The following MYRIP variants were observed in gnomAD, a reference collection of about 807,000 sequenced individuals.
MYRIP encodes the protein myosin VIIA and Rab interacting protein, also known as rab effector MyRIP.
MYRIP carries 49 observed loss-of-function variants against 98.0 expected under a neutral mutation model. The observed-to-expected ratio is 0.50, with a 90% CI of 0.40 to 0.63. The LOEUF (loss-of-function observed/expected upper bound fraction) is 0.63, where lower values mean the gene tolerates loss of function less well. Among genes scored for constraint, MYRIP ranks in the 30% least tolerant of loss-of-function variants. The pLI, the probability that MYRIP is intolerant of heterozygous loss-of-function variation, is 0.00. For missense variants in MYRIP, 1,004 were observed against 1,058.2 expected (o/e 0.95, Z 0.71); for synonymous variants, 404 against 409.5 (o/e 0.99, Z 0.16).
At chr3:40,206,313 A>T (rs572156969) in intron 10 of MYRIP, among the ~76,000 whole-genome samples, 1 of 152,278 alleles carries the variant, frequency 6.6e-6, no homozygotes, top group African/African-American at 2.4e-5. Flanking sequence ...GATGAATATT[A>T]TATGGCCAAA....
intron 2 of MYRIP, among the ~76,000 whole-genome samples, chr3:39,961,755 C>G (rs940511906): frequency 5.3e-5 from 8 of 152,062 alleles, no homozygotes; most frequent in African/African-American, 1.9e-4. Flanking sequence ...AAATTAGCTC[C>G]CTCAACAAGA....
At chr3:40,215,714 C>T (rs1165183723) in intron 11 of MYRIP, among the ~76,000 whole-genome samples, 1 of 152,144 alleles carries the variant, frequency 6.6e-6, no homozygotes, top group Admixed American at 6.6e-5. Context: ...ACCCTACAAC[C>T]CAGGGAGCAT....
rs1469493871 is a variant in MYRIP, at chr3:40,233,909, C to G, written c.1956C>G (p.Val652=). ...LCNISTEVLK[V]INATEELIAG... is the part of the protein sequence containing the mutation. ...ACATCTCCACAGAAGTCCTGAAAGT[C>G]ATCAATGCCACAGAGGAGTTGATAG... Residue 652 remains valine, a synonymous_variant, in exon 12 of 17, where the codon GTC becomes GTG. Coordinates refer to ENST00000302541, the MANE Select transcript of MYRIP (RefSeq NM_015460.4). 1 of 1,613,562 alleles carries G rather than the reference C, an allele frequency of 6.2e-7. No individual in the cohort carries two copies. Among genetic ancestry groups the G allele is most frequent in the East Asian group, 2.2e-5 (1 of 44,864 alleles).
At chr3:39,872,314 T>A (rs1031579824) in intron 1 of MYRIP, among the ~76,000 whole-genome samples, 4 of 151,708 alleles carry the variant, frequency 2.6e-5, no homozygotes, top group African/African-American at 9.7e-5. Flanking sequence ...TTATGTCAAA[T>A]GGAAAAAATG....
chr3:39,914,963 A>G (rs1445738663), intron 2 of MYRIP, among the ~76,000 whole-genome samples: 1 of 152,094 alleles, frequency 6.6e-6, no homozygotes, highest in Non-Finnish European at 1.5e-5. Flanking sequence ...GATTTTATTC[A>G]GCTACCACCA....
chr3:39,901,225 T>G (rs1429346658), intron 2 of MYRIP, among the ~76,000 whole-genome samples: 1 of 152,206 alleles, frequency 6.6e-6, no homozygotes, highest in Non-Finnish European at 1.5e-5. Context: ...TGGCCTTAGT[T>G]TTTTGTTGGC....
At chr3:40,165,714 C>T (rs569473593) in intron 5 of MYRIP, among the ~76,000 whole-genome samples, 118 of 150,262 alleles carry the variant, frequency 7.9e-4, no homozygotes, top group Non-Finnish European at 1.4e-3. Flanking sequence ...AACTTTGTCA[C>T]CTGGGGAAGT....
chr3:39,920,207 G>A (rs1211427054), intron 2 of MYRIP, among the ~76,000 whole-genome samples: 2 of 152,142 alleles, frequency 1.3e-5, no homozygotes, highest in Non-Finnish European at 1.5e-5. Context: ...GCTTAATTGT[G>A]ACTGGTTGAT....
chr3:39,943,479 G>C (rs1290247496), intron 2 of MYRIP, among the ~76,000 whole-genome samples: 1 of 152,044 alleles, frequency 6.6e-6, no homozygotes, highest in Non-Finnish European at 1.5e-5. Context: ...AGCTGACCCA[G>C]GGTGGGCTTG....
chr3:39,904,432 C>T (rs921875121), intron 2 of MYRIP, among the ~76,000 whole-genome samples: 2 of 152,152 alleles, frequency 1.3e-5, no homozygotes, highest in Non-Finnish European at 2.9e-5. Context: ...GATGAGGTTT[C>T]ACCATGTTGC....
At position 40,052,355 on chromosome 3, in the gene MYRIP, C is replaced by T. The variant is rs187539202; in HGVS notation, c.332+8084C>T. ...CCTCCAGTTTCATCCATGTTGCTGC[C>T]GGTGACAGGGTTTTATTCCACAGTA... is the stretch of plus-strand genomic sequence containing the variant. On this transcript the variant is annotated intron_variant, in intron 3 of 16. Coordinates refer to ENST00000302541, the MANE Select transcript of MYRIP (RefSeq NM_015460.4). Among the ~76,000 whole-genome samples, 381 of 152,156 alleles carry T rather than the reference C, an allele frequency of 2.5e-3. 1 individual carries two copies. Among genetic ancestry groups the T allele is most frequent in the Non-Finnish European group, 4.4e-3 (300 of 67,978 alleles).
intron 1 of MYRIP, among the ~76,000 whole-genome samples, chr3:39,884,607 T>C (rs116375364): frequency 0.016 from 2,458 of 152,230 alleles, 63 homozygotes; most frequent in African/African-American, 0.055. Context: ...ATGTATATAA[T>C]AGAAACATAT....
rs1247533343 is a variant in MYRIP at position 40,203,859 on chromosome 3, ATATATATT to A, written c.1666-5971_1666-5964del. Among the ~76,000 whole-genome samples the A allele has an allele frequency of 2.1e-3, 16 of 7,756 alleles. 1 individual carries two copies. Among genetic ancestry groups the A allele is most frequent in the Admixed American group, 2.7e-3 (1 of 370 alleles). 5.1% of individuals were successfully genotyped at this position (7,756 alleles called of 152,430 possible). The stretch of plus-strand genomic sequence containing the variant: ...TATTTATTTATTTATTTATATTTTT[ATATATATT>A]TATATATTTATATATTTATATATAT... On this transcript the variant is annotated intron_variant, in intron 10 of 16. Transcript: ENST00000302541.
chr3:40,233,802 G>A (rs1952736271), intron 11 of MYRIP, 57 bp from the exon 12 acceptor site: 1 of 1,492,410 alleles, frequency 6.7e-7, no homozygotes, highest in African/African-American at 1.4e-5. Context: ...GAATTTCTGT[G>A]TCATTGTTAA....
At chr3:40,130,671 C>T (rs927372887) in intron 3 of MYRIP, among the ~76,000 whole-genome samples, 10 of 152,114 alleles carry the variant, frequency 6.6e-5, no homozygotes, top group African/African-American at 1.7e-4. Context: ...TGAGCCACCG[C>T]GCCCGGCCTC....
At chr3:40,044,573 C>T (rs1046323412) in intron 3 of MYRIP, among the ~76,000 whole-genome samples, 14 of 152,254 alleles carry the variant, frequency 9.2e-5, no homozygotes, top group Middle Eastern at 3.4e-3. Flanking sequence ...CTCATCCTTT[C>T]GTTCGTTCAT....
intron 1 of MYRIP, among the ~76,000 whole-genome samples, chr3:39,877,175 C>G (rs1943023188): frequency 1.3e-5 from 2 of 152,180 alleles, no homozygotes; most frequent in East Asian, 3.8e-4. Flanking sequence ...GTTCTCGAGC[C>G]TTGGTTTTCA....
At chr3:40,166,385 AT>A (rs771429834) in intron 5 of MYRIP, among the ~76,000 whole-genome samples, 1 of 152,162 alleles carries the variant, frequency 6.6e-6, no homozygotes, top group East Asian at 1.9e-4. Flanking sequence ...GGATACAACA[AT>A]GAATATGATC....
intron 3 of MYRIP, among the ~76,000 whole-genome samples, chr3:40,118,275 A>G (rs1290919763): frequency 6.6e-6 from 1 of 152,216 alleles, no homozygotes; most frequent in African/African-American, 2.4e-5. Flanking sequence ...GATAACTCAA[A>G]TGGAAGGAAA....
Sources: gnomAD v4.1 joint callset for allele counts (sites outside exome capture counted in the v4.1 genomes callset) on GRCh38, gnomAD v4.1.1 for gene constraint, MANE v1.5 for transcripts, NCBI Gene and HGNC (gene_info 2026-07-23, HGNC 2026-07-21) for gene names.